The following ZBTB20 variants were observed in gnomAD, a reference collection of about 807,000 sequenced individuals.
ZBTB20 encodes the protein zinc finger and BTB domain-containing protein 20.
Under a neutral mutation model 56.9 loss-of-function variants are expected in ZBTB20, and 9 were observed. The ratio of observed to expected loss-of-function variants is 0.16; its 90% confidence interval spans 0.10 to 0.28. The LOEUF is 0.28. Among genes scored for constraint, ZBTB20 ranks in the 10% least tolerant of loss-of-function variants. The pLI, the probability that ZBTB20 is intolerant of heterozygous loss-of-function variation, is 1.00. For synonymous variants in ZBTB20, 417 were observed against 420.7 expected, an observed-to-expected ratio of 0.99 and a Z score of 0.11; for missense variants, 655 against 1,003.0, an observed-to-expected ratio of 0.65 and a Z score of 4.69.
chr3:114,392,107 A>T (rs1187785277), intron 7 of ZBTB20, among the ~76,000 whole-genome samples: 1 of 152,242 alleles, frequency 6.6e-6, no homozygotes, highest in Non-Finnish European at 1.5e-5. Flanking sequence ...TTCTAACATT[A>T]CCAGCAGAAA....
chr3:114,518,928 C>T (rs2046335439), intron 6 of ZBTB20: 1 of 152,176 alleles, frequency 6.6e-6, no homozygotes, highest in African/African-American at 2.4e-5. Context: ...AGCCCTGTTC[C>T]ACAGAGATTT....
chr3:114,578,721 AAAAC>A (rs887012985), intron 6 of ZBTB20, among the ~76,000 whole-genome samples: 4 of 151,964 alleles, frequency 2.6e-5, no homozygotes, highest in African/African-American at 7.2e-5. Context: ...TTTAAGATAA[AAAAC>A]AAAATAAGTA....
chr3:114,702,979 G>T (rs1219766955), intron 5 of ZBTB20, among the ~76,000 whole-genome samples: 1 of 151,000 alleles, frequency 6.6e-6, no homozygotes, highest in East Asian at 2.0e-4. Context: ...TTTTTTAAAT[G>T]AATCTTACAC....
intron 7 of ZBTB20, among the ~76,000 whole-genome samples, chr3:114,463,117 G>T (rs756193906): frequency 2.0e-5 from 3 of 152,122 alleles, no homozygotes; most frequent in African/African-American, 7.2e-5. Flanking sequence ...ACATTTCATA[G>T]ATTTTTCATT....
At chr3:114,495,398 G>T (rs2043174361) in intron 7 of ZBTB20, among the ~76,000 whole-genome samples, 1 of 152,070 alleles carries the variant, frequency 6.6e-6, no homozygotes, top group East Asian at 1.9e-4. Context: ...GTGAAAGAAA[G>T]AAAAGGTTAC....
intron 1 of ZBTB20, among the ~76,000 whole-genome samples, chr3:115,096,845 C>A (rs147536224): frequency 6.6e-6 from 1 of 152,098 alleles, no homozygotes; most frequent in Non-Finnish European, 1.5e-5. Context: ...TTTATGAATA[C>A]GAGAATTTGT....
At chr3:115,129,085 C>G (rs2084426525) in intron 1 of ZBTB20, among the ~76,000 whole-genome samples, 1 of 151,554 alleles carries the variant, frequency 6.6e-6, no homozygotes, top group African/African-American at 2.4e-5. Context: ...GGCGACAAAG[C>G]GAGACTCCGT....
At position 114,694,107 on chromosome 3, in the gene ZBTB20, A is replaced by G. The variant is rs945659651; in HGVS notation, c.-342-532T>C. ...CCCTCGGTTTCATGAGTTGTGAGTTATTGGCCTTATCCTCCTTTATAAGTA... is the reference window on the plus strand; with the variant it reads ...CCCTCGGTTTCATGAGTTGTGAGTTGTTGGCCTTATCCTCCTTTATAAGTA... On this transcript the variant is annotated intron_variant, in intron 5 of 11. Transcript: ENST00000675478. Among the ~76,000 whole-genome samples, 5 of 152,040 alleles carry G rather than the reference A, an allele frequency of 3.3e-5. No individual in the cohort carries two copies. The East Asian group carries it at 7.7e-4, about 23-fold the overall frequency.
intron 2 of ZBTB20, among the ~76,000 whole-genome samples, chr3:115,053,256 C>T (rs948447382): frequency 1.3e-5 from 2 of 152,178 alleles, no homozygotes; most frequent in African/African-American, 4.8e-5. Context: ...ATAAATCCAA[C>T]AGAGCTTTTC....
At chr3:114,428,844 T>A (rs2089910825) in intron 7 of ZBTB20, among the ~76,000 whole-genome samples, 2 of 152,292 alleles carry the variant, frequency 1.3e-5, no homozygotes, top group Middle Eastern at 6.8e-3. Flanking sequence ...ATTTTGTAAA[T>A]GAGGAAACTG....
In ZBTB20 at chr3:114,350,437, C is replaced by G. The variant is rs2108201185; in HGVS notation, c.1641G>C (p.Leu547=). The part of the protein sequence containing the change: ...TQFVTVSQPG[L]STFTAQLPAP... Reference sequence around the variant, plus strand: ...CTGGCAGCTGTGCAGTAAAGGTCGACAGACCGGGCTGGGACACTGTCACAA... The same window carrying G: ...CTGGCAGCTGTGCAGTAAAGGTCGAGAGACCGGGCTGGGACACTGTCACAA... Residue 547 remains leucine, a synonymous_variant, in exon 11 of 12, where the codon CTG becomes CTC. Transcript: ENST00000675478. 1 of 1,613,998 alleles carries G rather than the reference C, an allele frequency of 6.2e-7. No individual in the cohort carries two copies. The highest frequency in any genetic ancestry group is 8.5e-7 in the Non-Finnish European group (1 of 1,179,970).
intron 4 of ZBTB20, among the ~76,000 whole-genome samples, chr3:114,846,358 TC>T (rs899317841): frequency 4.6e-5 from 7 of 152,174 alleles, no homozygotes; most frequent in Non-Finnish European, 8.8e-5. Flanking sequence ...TACTTTTCCA[TC>T]CACAACAGAC....
At chr3:114,386,109 T>C (rs989793611) in intron 8 of ZBTB20, among the ~76,000 whole-genome samples, 2 of 152,172 alleles carry the variant, frequency 1.3e-5, no homozygotes, top group Non-Finnish European at 1.5e-5. Flanking sequence ...ACTTAGCCTA[T>C]AGAAGCCCAT....
intron 3 of ZBTB20, among the ~76,000 whole-genome samples, chr3:114,917,418 G>A (rs1421346903): frequency 1.3e-5 from 2 of 152,120 alleles, no homozygotes; most frequent in African/African-American, 4.8e-5. Context: ...CTTGATGCTT[G>A]TGGATGTCTG....
At chr3:114,870,718 C>A (rs967030615) in intron 4 of ZBTB20, among the ~76,000 whole-genome samples, 1 of 151,898 alleles carries the variant, frequency 6.6e-6, no homozygotes, top group Non-Finnish European at 1.5e-5. Context: ...AAGAAAATAC[C>A]AAGAAGAATA....
At chr3:115,102,603 A>G (rs1380661054) in intron 1 of ZBTB20, 1 of 152,084 alleles carries the variant, frequency 6.6e-6, no homozygotes, top group Non-Finnish European at 1.5e-5. Flanking sequence ...AGGAATATAA[A>G]GGACCATGAA....
At chr3:115,005,026 T>A (rs75985686) in intron 2 of ZBTB20, among the ~76,000 whole-genome samples, 1 of 151,662 alleles carries the variant, frequency 6.6e-6, no homozygotes, top group Non-Finnish European at 1.5e-5. Flanking sequence ...TGTGTGTGTG[T>A]GGGCCTGTTT....
intron 7 of ZBTB20, among the ~76,000 whole-genome samples, chr3:114,397,592 C>T (rs1165346716): frequency 9.3e-5 from 14 of 149,864 alleles, no homozygotes; most frequent in Admixed American, 7.3e-4. Context: ...TTTTTTGTCC[C>T]GCATTCAACT....
At chr3:115,133,241 C>A (rs944390591) in intron 1 of ZBTB20, among the ~76,000 whole-genome samples, 1 of 152,084 alleles carries the variant, frequency 6.6e-6, no homozygotes, top group Non-Finnish European at 1.5e-5. Context: ...GACTAAAAGT[C>A]CTTTTATTTC....
Sources: gnomAD v4.1 joint callset for allele counts (sites outside exome capture counted in the v4.1 genomes callset) on GRCh38, gnomAD v4.1.1 for gene constraint, MANE v1.5 for transcripts, NCBI Gene and HGNC (gene_info 2026-07-23, HGNC 2026-07-21) for gene names.